LRRC28: variants seen among roughly 807,000 people sequenced by gnomAD.
LRRC28 encodes the protein leucine-rich repeat-containing protein 28.
LRRC28 carries 39 observed loss-of-function variants against 45.7 expected under a neutral mutation model. The ratio of observed to expected loss-of-function variants is 0.85; its 90% CI spans 0.66 to 1.12. The LOEUF (loss-of-function observed/expected upper bound fraction) is 1.12, where lower values mean the gene tolerates loss of function less well. Among genes scored for constraint, LRRC28 ranks in the 50% most tolerant of loss-of-function variants. LRRC28 has a pLI of 0.00. For synonymous variants in LRRC28, 206 were observed against 178.8 expected, an observed-to-expected ratio of 1.15 and a Z score of -1.22; for missense variants, 435 against 438.5, an observed-to-expected ratio of 0.99 and a Z score of 0.07.
intron 5 of LRRC28, among the ~76,000 whole-genome samples, chr15:99,293,510 T>A (rs1401218524): frequency 7.1e-6 from 1 of 140,084 alleles, no homozygotes; most frequent in Non-Finnish European, 1.5e-5. Context: ...GGAGAATCGC[T>A]TGAACACAGG....
Position 99,363,171 on chromosome 15 carries a change from G to T in LRRC28, c.937G>T (p.Gly313Trp). 1 of 1,613,930 alleles carries T rather than the reference G, an allele frequency of 6.2e-7. No homozygotes were observed. ...CCTAGAGCTGCTGCACTGCCCTCTG[G>T]GGCACTGTCATCGGTGTAGTGAGCC... ...SLLELLHCPL[G>W]HCHRCSEPMF... is the part of the protein sequence containing the mutation. Residue 313 changes from glycine (G) to tryptophan (W), a missense_variant, in exon 9 of 10, where the codon GGG (glycine) becomes TGG (tryptophan). Physicochemically the swap from Gly to Trp is radical, Grantham distance 184. Coordinates refer to ENST00000301981, the MANE Select transcript of LRRC28 (RefSeq NM_144598.5).
chr15:99,287,233 G>GTTTTTTTTTT, intron 3 of LRRC28, 24 bp from the exon 4 acceptor site: 1 of 1,560,182 alleles, frequency 6.4e-7, no homozygotes, highest in Non-Finnish European at 8.7e-7. Context: ...GATAATGGCT[G>GTTTTTTTTTT]TTTTTTTTCT....
Position 99,352,481 on chromosome 15 carries a change from A to G in LRRC28, c.695+10A>G. 3 of 1,596,616 alleles carry G rather than the reference A, an allele frequency of 1.9e-6. No homozygotes were observed. The highest frequency in any genetic ancestry group is 3.5e-5 in the Admixed American group (2 of 57,756). ...TCATCGGGTGCAGTGGGTAAGGCCG[A>G]TTTCACATTTTGAACTAAAAAATAG... On this transcript the variant is annotated intron_variant, in intron 7 of 9. Transcript: ENST00000301981.
intron 3 of LRRC28, among the ~76,000 whole-genome samples, chr15:99,276,831 G>A (rs1321523034): frequency 1.5e-4 from 23 of 152,106 alleles, no homozygotes; most frequent in Admixed American, 1.5e-3. Context: ...TCACTTCAAG[G>A]TAGTGAAGAT....
At chr15:99,348,180 A>G (rs8037090) in intron 6 of LRRC28, among the ~76,000 whole-genome samples, 51,066 of 152,010 alleles carry the variant, frequency 0.34, 10,356 homozygotes, top group African/African-American at 0.58. Flanking sequence ...TTAACCTCTT[A>G]TCAGTTATGT....
chr15:99,318,513 C>T (rs1955677009), intron 5 of LRRC28, among the ~76,000 whole-genome samples: 1 of 151,938 alleles, frequency 6.6e-6, no homozygotes, highest in Admixed American at 6.6e-5. Flanking sequence ...TAACATCTTT[C>T]TGTGCCACAT....
intron 6 of LRRC28, among the ~76,000 whole-genome samples, chr15:99,338,780 T>C (rs552473331): frequency 1.3e-5 from 2 of 152,372 alleles, no homozygotes; most frequent in South Asian, 2.1e-4. Flanking sequence ...AAATCACTTA[T>C]AATACTGTCT....
intron 6 of LRRC28, 112 bp from the exon 7 acceptor site, chr15:99,352,257 T>C (rs1956904496): frequency 1.3e-6 from 1 of 756,672 alleles, no homozygotes; most frequent in African/African-American, 1.8e-5. Context: ...TTTATGGTTT[T>C]CTTCCAGAGT....
intron 2 of LRRC28, among the ~76,000 whole-genome samples, chr15:99,274,764 T>C (rs947689968): frequency 3.3e-5 from 5 of 152,208 alleles, no homozygotes; most frequent in Admixed American, 1.3e-4. Flanking sequence ...AGTGCTGTTA[T>C]GTAGTTATAG....
chr15:99,308,083 T>C (rs1955254284), intron 5 of LRRC28, among the ~76,000 whole-genome samples: 1 of 152,230 alleles, frequency 6.6e-6, no homozygotes, highest in Non-Finnish European at 1.5e-5. Flanking sequence ...TTAGCAGAAC[T>C]GTTGGTGAGA....
At chr15:99,352,899 C>T (rs1469059058) in intron 7 of LRRC28, among the ~76,000 whole-genome samples, 3 of 152,192 alleles carry the variant, frequency 2.0e-5, no homozygotes, top group African/African-American at 7.2e-5. Flanking sequence ...ATTGCCATGA[C>T]AGTTTTACTG....
At chr15:99,374,828 T>A (rs949810767) in intron 9 of LRRC28, among the ~76,000 whole-genome samples, 1 of 151,684 alleles carries the variant, frequency 6.6e-6, no homozygotes, top group African/African-American at 2.4e-5. Context: ...CCACCACGCC[T>A]GGCTAAATTT....
At chr15:99,294,866 G>A (rs961486097) in intron 5 of LRRC28, among the ~76,000 whole-genome samples, 1 of 152,164 alleles carries the variant, frequency 6.6e-6, no homozygotes, top group Admixed American at 6.5e-5. Context: ...GCATCTTTCA[G>A]GTGCTTCACT....
At chr15:99,259,279 T>A in intron 2 of LRRC28, 1 of 1,093,736 alleles carries the variant, frequency 9.1e-7, no homozygotes, top group Non-Finnish European at 1.4e-6. Flanking sequence ...CTCCATTTGT[T>A]TAGCGACTTC....
At chr15:99,262,544 T>C (rs537775315) in intron 2 of LRRC28, among the ~76,000 whole-genome samples, 1 of 152,200 alleles carries the variant, frequency 6.6e-6, no homozygotes, top group South Asian at 2.1e-4. Context: ...ATTGTGCCAC[T>C]GCACGCCAGC....
chr15:99,277,522 G>C (rs1372747785), intron 3 of LRRC28, among the ~76,000 whole-genome samples: 2 of 151,658 alleles, frequency 1.3e-5, no homozygotes, highest in Non-Finnish European at 2.9e-5. Flanking sequence ...TCACACCTAA[G>C]GAAAGTAATA....
chr15:99,378,985 A>G (rs1957731742), intron 9 of LRRC28, among the ~76,000 whole-genome samples: 1 of 151,276 alleles, frequency 6.6e-6, no homozygotes, highest in Admixed American at 6.6e-5. Flanking sequence ...CTTCAGGGAT[A>G]TTGGTCTAAA....
intron 9 of LRRC28, among the ~76,000 whole-genome samples, chr15:99,375,057 G>A (rs1445473496): frequency 2.0e-5 from 3 of 152,136 alleles, no homozygotes; most frequent in African/African-American, 7.2e-5. Flanking sequence ...TGTGTTAAGT[G>A]TAATATAATT....
At chr15:99,355,495 A>G (rs1957020793) in intron 7 of LRRC28, 1 of 152,264 alleles carries the variant, frequency 6.6e-6, no homozygotes, top group South Asian at 2.1e-4. Context: ...ACTGGCTGTC[A>G]CAGCTTCATG....
Sources: allele counts gnomAD v4.1 joint callset (sites outside exome capture counted in the v4.1 genomes callset), GRCh38; gene constraint gnomAD v4.1.1; transcripts MANE v1.5; gene names NCBI Gene and HGNC (gene_info 2026-07-23, HGNC 2026-07-21).